NUB1: variants seen among roughly 807,000 people sequenced by gnomAD.
The protein encoded by NUB1 is NEDD8 ultimate buster 1.
In NUB1, 41 loss-of-function variants were observed where a neutral mutation model predicts 77.1. That is an observed-to-expected ratio of 0.53 (90% CI 0.41 to 0.69). The LOEUF is 0.69. Ranked by LOEUF, NUB1 falls within the 30% of genes least tolerant of loss-of-function variation. The probability of loss-of-function intolerance (pLI) is 0.00; values close to 1 mark genes in which losing one functional copy is unlikely to be tolerated. For synonymous variants in NUB1, 257 were observed against 281.0 expected (o/e 0.91, Z 0.85); for missense variants, 643 against 743.8 (o/e 0.86, Z 1.58).
chr7:151,358,050 A>G (rs1797169155), intron 7 of NUB1, among the ~76,000 whole-genome samples: 1 of 151,886 alleles, frequency 6.6e-6, no homozygotes, highest in Admixed American at 6.6e-5. Context: ...ATCTTGGCTC[A>G]CTGCAACCTC....
chr7:151,347,876 A>G (rs188210270), intron 2 of NUB1, among the ~76,000 whole-genome samples: 115 of 152,374 alleles, frequency 7.5e-4, no homozygotes, highest in African/African-American at 2.6e-3. Flanking sequence ...TATGAATTTA[A>G]TGAAACCTTG....
At chr7:151,359,223 G>A (rs1797241883) in intron 7 of NUB1, among the ~76,000 whole-genome samples, 1 of 141,860 alleles carries the variant, frequency 7.0e-6, no homozygotes, top group African/African-American at 2.6e-5. Context: ...CAGATCACGA[G>A]GTCAGAAGAT....
chr7:151,376,941 G>A (rs114412640), intron 14 of NUB1, 106 bp from the exon 15 acceptor site: 3 of 1,416,510 alleles, frequency 2.1e-6, no homozygotes, highest in Non-Finnish European at 2.8e-6. Flanking sequence ...CGGCCACCTG[G>A]ACAGTGTGGC....
chr7:151,374,753 T>A (rs2302129), intron 12 of NUB1: 52,990 of 168,126 alleles, frequency 0.32, 9,671 homozygotes, highest in East Asian at 0.42. Flanking sequence ...CTTCCTTCCC[T>A]GTGTTGGAGA....
Position 151,360,238 on chromosome 7 carries a change from A to C in NUB1, c.791A>C (p.Lys264Thr). 11 of 1,593,616 alleles carry C rather than the reference A, an allele frequency of 6.9e-6. No homozygotes were observed. The highest frequency in any genetic ancestry group is 8.6e-6 in the Non-Finnish European group (10 of 1,161,532). Residue 264 changes from lysine to threonine, a missense_variant, in exon 8 of 15, where the codon AAA (lysine) becomes ACA (threonine). Physicochemically the swap from Lys to Thr is moderately conservative, Grantham distance 78 (BLOSUM62 -1). Coordinates refer to ENST00000568733, the MANE Select transcript of NUB1 (RefSeq NM_001243351.2). ...IALPCLLDADKYFCECCRELL... is the reference protein window; with the variant it reads ...IALPCLLDADTYFCECCRELL... ...TTGCCATGTCTGTTGGACGCTGACA[A>C]ATATTTCTGGTAGGCGCTTTTGTAC... is the stretch of plus-strand genomic sequence containing the variant.
chr7:151,373,965 A>T lies in NUB1; in HGVS notation c.1249-132A>T, dbSNP rs1296825734. The T allele has an allele frequency of 3.1e-6, 3 of 970,786 alleles. No individual in the cohort carries two copies. In the African/African-American group the frequency reaches 5.0e-5, roughly 16 times the overall value. The allele number at this position is 970,786 out of a possible 1,614,324, so 60.1% of individuals were successfully genotyped here. On this transcript the variant is annotated intron_variant, in intron 11 of 14. Transcript: ENST00000568733. ...TTTGGCTGGGTGAGGAGAGGTAGAAAGAGGGCCCCCTGTGCTTTGCTTTGG... is the reference window on the plus strand; with the variant it reads ...TTTGGCTGGGTGAGGAGAGGTAGAATGAGGGCCCCCTGTGCTTTGCTTTGG...
rs188611787 is a variant in NUB1, at chr7:151,372,042, G to A, written c.1249-2055G>A. Among the ~76,000 whole-genome samples, 17 of 152,266 alleles carry A rather than the reference G, an allele frequency of 1.1e-4. No homozygotes were observed. In the East Asian group the frequency reaches 3.3e-3, roughly 29 times the overall value. On this transcript the variant is annotated intron_variant, in intron 11 of 14. Transcript: ENST00000568733. ...TAATTATTAAAAGTTTATATTTTTTGTGCAATATGGCCCTGAGTACAGACC... is the reference window on the plus strand; with the variant it reads ...TAATTATTAAAAGTTTATATTTTTTATGCAATATGGCCCTGAGTACAGACC...
intron 1 of NUB1, among the ~76,000 whole-genome samples, chr7:151,344,982 A>T (rs1796431806): frequency 6.6e-6 from 1 of 152,184 alleles, no homozygotes; most frequent in East Asian, 1.9e-4. Flanking sequence ...CCTGGGCGAC[A>T]GAGCGAGACT....
intron 8 of NUB1, among the ~76,000 whole-genome samples, chr7:151,362,622 G>T (rs1299168061): frequency 2.0e-5 from 3 of 152,200 alleles, no homozygotes; most frequent in Non-Finnish European, 4.4e-5. Context: ...TCAGGTTACG[G>T]GGCAGGGAGG....
Position 151,377,330 on chromosome 7 carries a change from T to C in NUB1, c.*105T>C, listed in dbSNP as rs920773157. 7 of 770,784 alleles carry C rather than the reference T, an allele frequency of 9.1e-6. No individual in the cohort carries two copies. The African/African-American group carries it at 1.1e-4, about 12-fold the overall frequency. 47.7% of individuals were successfully genotyped at this position (770,784 alleles called of 1,614,324 possible). A position where few individuals can be genotyped will look rare whatever the true frequency, so the allele number is the denominator to read the frequency against. The stretch of plus-strand genomic sequence containing the variant: ...TACTTTTTATCTGAATTACAAGTCC[T>C]CTTTGGGTGTAGGAGGGGGTGGGCA... On this transcript the variant is annotated 3_prime_UTR_variant, in exon 15 of 15. Coordinates refer to ENST00000568733, the MANE Select transcript of NUB1 (RefSeq NM_001243351.2).
At chr7:151,375,236 T>G (rs1798161323) in intron 12 of NUB1, among the ~76,000 whole-genome samples, 1 of 152,228 alleles carries the variant, frequency 6.6e-6, no homozygotes, top group South Asian at 2.1e-4. Flanking sequence ...TAAATTTTTA[T>G]TTGAATATCA....
chr7:151,348,343 A>G (rs1796603582), intron 2 of NUB1, among the ~76,000 whole-genome samples: 1 of 151,740 alleles, frequency 6.6e-6, no homozygotes, highest in Non-Finnish European at 1.5e-5. Context: ...GTCCAACTTG[A>G]TTTGTTCTCA....
chr7:151,351,916 A>AACACACACACAC (rs1204427761), intron 4 of NUB1, among the ~76,000 whole-genome samples: 8,604 of 151,052 alleles, frequency 0.057, 299 homozygotes, highest in African/African-American at 0.088. Flanking sequence ...CCATCTGTAA[A>AACACACACACAC]ACACACACAC....
chr7:151,361,688 T>C (rs144151349), intron 8 of NUB1, among the ~76,000 whole-genome samples: 191 of 152,314 alleles, frequency 1.3e-3, no homozygotes, highest in African/African-American at 4.3e-3. Flanking sequence ...TTTATAGTTT[T>C]CCATTGGTCA....
chr7:151,351,821 T>C (rs1009467189), intron 4 of NUB1, among the ~76,000 whole-genome samples: 4 of 152,100 alleles, frequency 2.6e-5, no homozygotes, highest in Admixed American at 2.0e-4. Flanking sequence ...CTCATTAGTT[T>C]TGAATTACTA....
intron 9 of NUB1, 109 bp downstream of exon 9, chr7:151,367,234 G>C (rs961322614): frequency 3.8e-6 from 3 of 779,808 alleles, no homozygotes; most frequent in Admixed American, 2.6e-5. Context: ...CATTTTGATA[G>C]TAGTATGCAG....
At chr7:151,375,650 G>A (rs915924206) in intron 12 of NUB1, among the ~76,000 whole-genome samples, 198 bp from the exon 13 acceptor site, 9 of 152,148 alleles carry the variant, frequency 5.9e-5, no homozygotes, top group Admixed American at 5.9e-4. Flanking sequence ...GACTAGTCTT[G>A]CTCCTCCTTC....
At chr7:151,351,261 C>T (rs1796781542) in intron 3 of NUB1, 163 bp from the exon 4 acceptor site, 1 of 633,122 alleles carries the variant, frequency 1.6e-6, no homozygotes, top group Non-Finnish European at 2.8e-6. Context: ...CAGGGTCAGC[C>T]TGTGCTGGGT....
chr7:151,374,288 G>T, intron 12 of NUB1, 45 bp downstream of exon 12: 1 of 1,546,836 alleles, frequency 6.5e-7, no homozygotes, highest in South Asian at 1.2e-5. Flanking sequence ...TGAGCAGTGG[G>T]TCCTGCCCAG....
Sources: gnomAD v4.1 joint callset for allele counts (sites outside exome capture counted in the v4.1 genomes callset) on GRCh38, gnomAD v4.1.1 for gene constraint, MANE v1.5 for transcripts, NCBI Gene and HGNC (gene_info 2026-07-23, HGNC 2026-07-21) for gene names.